GPCPD1: variants seen among roughly 807,000 people sequenced by gnomAD.
GPCPD1 encodes glycerophosphocholine phosphodiesterase GPCPD1.
GPCPD1 carries 29 observed loss-of-function variants against 89.2 expected under a neutral mutation model. The observed-to-expected ratio is 0.33, with a 90% CI of 0.24 to 0.44. GPCPD1 has a LOEUF of 0.44. GPCPD1 is among the 20% of genes least tolerant of loss of function. The pLI, the probability that GPCPD1 is intolerant of heterozygous loss-of-function variation, is 1.00. For synonymous variants in GPCPD1, 258 were observed against 266.3 expected, an observed-to-expected ratio of 0.97 and a Z score of 0.30; for missense variants, 594 against 808.9, an observed-to-expected ratio of 0.73 and a Z score of 3.22.
At chr20:5,603,599 G>A (rs1405611986) in intron 2 of GPCPD1, among the ~76,000 whole-genome samples, 2 of 152,140 alleles carry the variant, frequency 1.3e-5, no homozygotes, top group East Asian at 1.9e-4. Context: ...TTTTATGAGA[G>A]CCCAGGTGTG....
intron 19 of GPCPD1, among the ~76,000 whole-genome samples, chr20:5,551,895 C>T (rs546949898): frequency 3.9e-5 from 6 of 152,302 alleles, no homozygotes; most frequent in African/African-American, 1.4e-4. Flanking sequence ...TCTCACCACA[C>T]CTCTCTCCAA....
chr20:5,577,069 T>G (rs1361495758), intron 8 of GPCPD1, among the ~76,000 whole-genome samples: 43 of 148,184 alleles, frequency 2.9e-4, no homozygotes, highest in Admixed American at 4.7e-4. Flanking sequence ...TTTTTTGTTT[T>G]TTTTTTTTTT....
chr20:5,578,738 G>T, intron 7 of GPCPD1, 127 bp from the exon 8 acceptor site: 2 of 639,134 alleles, frequency 3.1e-6, no homozygotes, highest in Non-Finnish European at 5.6e-6. Flanking sequence ...CAAAAATAAT[G>T]TATTATGCAA....
In GPCPD1 at chr20:5,563,209, G is replaced by A. The variant is rs986298987; in HGVS notation, c.1330-1679C>T. Among the ~76,000 whole-genome samples the A allele has an allele frequency of 3.3e-5, 5 of 152,214 alleles. No individual in the cohort carries two copies. In the East Asian group the frequency reaches 5.8e-4, roughly 18 times the overall value. On this transcript the variant is annotated intron_variant, in intron 15 of 19. Transcript: ENST00000379019. ...TTAGCCAGGATGATCTTGATCCCCT[G>A]ACCTCGTGATCCACCTGCCTCGGCC...
At chr20:5,569,166 G>A (rs1224327254) in intron 12 of GPCPD1, among the ~76,000 whole-genome samples, 1 of 148,996 alleles carries the variant, frequency 6.7e-6, no homozygotes, top group Non-Finnish European at 1.5e-5. Flanking sequence ...AGAAACAAAA[G>A]GGTCCTTTCC....
intron 4 of GPCPD1, among the ~76,000 whole-genome samples, chr20:5,590,768 T>G (rs1429521961): frequency 2.6e-5 from 4 of 152,262 alleles, no homozygotes; most frequent in Middle Eastern, 3.4e-3. Context: ...GGTGACTGAT[T>G]GTCTTGTTAA....
chr20:5,577,355 G>C (rs1978294806), intron 8 of GPCPD1, among the ~76,000 whole-genome samples: 1 of 151,568 alleles, frequency 6.6e-6, no homozygotes, highest in Admixed American at 6.6e-5. Context: ...GGGTGTGGTG[G>C]TACACACCTG....
chr20:5,562,527 C>T (rs1328770795), intron 15 of GPCPD1, among the ~76,000 whole-genome samples: 2 of 152,230 alleles, frequency 1.3e-5, no homozygotes, highest in African/African-American at 4.8e-5. Flanking sequence ...GGTGATCCAC[C>T]TGCCTTGGCC....
chr20:5,548,845 C>A, intron 19 of GPCPD1: 2 of 884,674 alleles, frequency 2.3e-6, no homozygotes, highest in Non-Finnish European at 3.2e-6. Context: ...GGCGGACTGT[C>A]AAACCAGAAA....
chr20:5,552,056 T>C (rs1985444831), intron 19 of GPCPD1, among the ~76,000 whole-genome samples: 1 of 152,134 alleles, frequency 6.6e-6, no homozygotes, highest in African/African-American at 2.4e-5. Flanking sequence ...GGGGACACGG[T>C]CTCAGCCAGA....
At chr20:5,558,902 GT>G in intron 17 of GPCPD1, 83 bp from the exon 18 acceptor site, 1 of 1,074,038 alleles carries the variant, frequency 9.3e-7, no homozygotes, top group Non-Finnish European at 1.3e-6. Context: ...AACACTGAAA[GT>G]ATAAAGAAAA....
chr20:5,574,704 C>A (rs1030209718), intron 10 of GPCPD1, among the ~76,000 whole-genome samples: 1 of 152,158 alleles, frequency 6.6e-6, no homozygotes, highest in Non-Finnish European at 1.5e-5. Flanking sequence ...TGCCACTGCA[C>A]TCCAGCCTGA....
Position 5,578,389 on chromosome 20 carries a change from A to AC in GPCPD1, c.695_696insG (p.Asp232GlufsTer9). 1 of 1,600,648 alleles carries AC rather than the reference A, an allele frequency of 6.2e-7. No homozygotes were observed. The highest frequency in any genetic ancestry group is 8.6e-7 in the Non-Finnish European group (1 of 1,167,568). On this transcript the variant is annotated frameshift_variant, in exon 8 of 20. Coordinates refer to ENST00000379019, the MANE Select transcript of GPCPD1 (RefSeq NM_019593.5). LOFTEE classifies it high-confidence loss of function. ...TGCAGTAACTACTCACTTCGAAAAA[A>AC]TCAAAGATTAGTTCCAGGTTATCTG...
At chr20:5,589,204 T>C (rs1419638824) in intron 4 of GPCPD1, among the ~76,000 whole-genome samples, 19 of 152,004 alleles carry the variant, frequency 1.2e-4, no homozygotes, top group Admixed American at 1.2e-3. Context: ...TAAACTGTTA[T>C]AATATAGAAA....
intron 19 of GPCPD1, among the ~76,000 whole-genome samples, chr20:5,550,125 C>T (rs1052004200): frequency 6.6e-6 from 1 of 151,532 alleles, no homozygotes; most frequent in Non-Finnish European, 1.5e-5. Context: ...ACCCAGTAGA[C>T]AGAGGTTGCA....
chr20:5,567,418 T>C (rs1986447139), intron 13 of GPCPD1, 65 bp downstream of exon 13: 9 of 1,502,618 alleles, frequency 6.0e-6, no homozygotes, highest in South Asian at 1.4e-5. Flanking sequence ...AACATAACCA[T>C]ATACAAGCAA....
intron 19 of GPCPD1, among the ~76,000 whole-genome samples, chr20:5,557,027 T>G (rs1985810081): frequency 1.3e-5 from 2 of 152,234 alleles, no homozygotes; most frequent in Admixed American, 6.5e-5. Context: ...AAGTCCTCAC[T>G]GAGGTGACAT....
At chr20:5,563,206 C>T (rs1986190888) in intron 15 of GPCPD1, among the ~76,000 whole-genome samples, 1 of 152,142 alleles carries the variant, frequency 6.6e-6, no homozygotes, top group East Asian at 1.9e-4. Flanking sequence ...ATCTTGATCC[C>T]CTGACCTCGT....
intron 19 of GPCPD1, among the ~76,000 whole-genome samples, chr20:5,554,253 G>A (rs1053452220): frequency 1.1e-5 from 1 of 87,216 alleles, no homozygotes; most frequent in Non-Finnish European, 2.3e-5. Context: ...CAGAGTGCTG[G>A]GATTACAGGC....
Sources: gnomAD v4.1 joint callset for allele counts (sites outside exome capture counted in the v4.1 genomes callset) on GRCh38, gnomAD v4.1.1 for gene constraint, MANE v1.5 for transcripts, NCBI Gene and HGNC (gene_info 2026-07-23, HGNC 2026-07-21) for gene names.